Variants in GABRG2 observed in about 807,000 individuals in gnomAD.
GABRG2 encodes the protein gamma-aminobutyric acid type A receptor subunit gamma2, also known as gamma-aminobutyric acid receptor subunit gamma-2.
A neutral mutation model predicts 56.4 loss-of-function variants in GABRG2; 16 were observed. That is an observed-to-expected ratio of 0.28 (90% confidence interval 0.19 to 0.43). The LOEUF (loss-of-function observed/expected upper bound fraction) is 0.43. Ranked by LOEUF, GABRG2 falls within the 20% of genes least tolerant of loss-of-function variation. GABRG2 has a pLI of 1.00. For missense variants in GABRG2, 327 were observed against 582.7 expected (o/e 0.56, Z 4.52); for synonymous variants, 208 against 205.5 (o/e 1.01, Z -0.10).
In GABRG2 at chr5:162,102,600, G is replaced by T. The variant is rs143065876; in HGVS notation, c.631+1283G>T. 130 of 453,434 alleles carry T rather than the reference G, an allele frequency of 2.9e-4. No homozygotes were observed. Among genetic ancestry groups the T allele is most frequent in the African/African-American group, 2.3e-3 (117 of 49,806 alleles). 28.1% of individuals were successfully genotyped at this position (453,434 alleles called of 1,614,324 possible). A position where few individuals can be genotyped will look rare whatever the true frequency, so the allele number is the denominator to read the frequency against. On this transcript the variant is annotated intron_variant, in intron 5 of 9. Transcript: ENST00000639213. Reference sequence around the variant, plus strand: ...CTGGAATGTGCAGTGGTGTGATCTCGGCTCACTACAGCCTTCGCTTCTGGG... The same window carrying T: ...CTGGAATGTGCAGTGGTGTGATCTCTGCTCACTACAGCCTTCGCTTCTGGG...
Position 162,142,293 on chromosome 5 carries a change from C to T in GABRG2, c.899C>T (p.Ala300Val), listed in dbSNP as rs543339576. 6.2e-7 allele frequency: 1 copy of T among 1,614,066 alleles called. No individual in the cohort carries two copies. The highest frequency in any genetic ancestry group is 1.3e-5 in the African/African-American group (1 of 75,046). Residue 300 changes from alanine to valine, a missense_variant, in exon 7 of 10, where the codon GCT becomes GTT. Physicochemically the swap from Ala to Val is moderately conservative, Grantham distance 64. Coordinates refer to ENST00000639213, the MANE Select transcript of GABRG2 (RefSeq NM_198904.4). The stretch of plus-strand genomic sequence containing the variant: ...GTGTCTTTCTGGATCAATAAGGATG[C>T]TGTTCCAGCCAGAACATCTTTAGGT... Reference protein sequence around the residue: ...SWVSFWINKDAVPARTSLGIT... With the variant: ...SWVSFWINKDVVPARTSLGIT...
At chr5:162,139,696 C>T (rs1244538829) in intron 6 of GABRG2, among the ~76,000 whole-genome samples, 6 of 152,142 alleles carry the variant, frequency 3.9e-5, no homozygotes, top group African/African-American at 1.4e-4. Context: ...TCTTCATTCA[C>T]TTACATGATA....
chr5:162,137,413 C>A (rs2113570933), intron 6 of GABRG2, among the ~76,000 whole-genome samples: 1 of 152,236 alleles, frequency 6.6e-6, no homozygotes, highest in Admixed American at 6.5e-5. Flanking sequence ...CAAACATTAC[C>A]AAGGAATTTA....
chr5:162,137,099 A>T (rs1361440171), intron 6 of GABRG2, among the ~76,000 whole-genome samples: 2 of 152,058 alleles, frequency 1.3e-5, no homozygotes, highest in African/African-American at 4.8e-5. Context: ...TTTGCAACTG[A>T]TTAATTTGGA....
At chr5:162,132,069 A>C (rs1561655129) in intron 6 of GABRG2, among the ~76,000 whole-genome samples, 1 of 151,688 alleles carries the variant, frequency 6.6e-6, no homozygotes, top group Non-Finnish European at 1.5e-5. Flanking sequence ...AGTTATTGCA[A>C]CAGGTATTGC....
intron 6 of GABRG2, among the ~76,000 whole-genome samples, chr5:162,130,508 C>T (rs754338168): frequency 1.2e-4 from 18 of 151,690 alleles, no homozygotes; most frequent in African/African-American, 2.9e-4. Context: ...TAATCAGGTC[C>T]GGCTTCAAAT....
chr5:162,091,135 A>G (rs1210772521), intron 1 of GABRG2, among the ~76,000 whole-genome samples: 1 of 151,964 alleles, frequency 6.6e-6, no homozygotes, highest in Non-Finnish European at 1.5e-5. Flanking sequence ...GATGGCCATT[A>G]TTTTTCTTCC....
At chr5:162,103,846 A>T in intron 5 of GABRG2, 43 bp from the exon 6 acceptor site, 2 of 1,611,036 alleles carry the variant, frequency 1.2e-6, no homozygotes, top group Non-Finnish European at 1.7e-6. Flanking sequence ...ACATATGCTA[A>T]TTTATAATCA....
chr5:162,072,993 T>G (rs914679251), intron 1 of GABRG2, among the ~76,000 whole-genome samples: 2 of 151,966 alleles, frequency 1.3e-5, no homozygotes, highest in East Asian at 3.9e-4. Flanking sequence ...AATCCATCAA[T>G]AGTGTTCCTA....
intron 1 of GABRG2, among the ~76,000 whole-genome samples, chr5:162,081,396 A>G: frequency 6.6e-6 from 1 of 152,042 alleles, no homozygotes; most frequent in East Asian, 1.9e-4. Context: ...ATTTTAACAC[A>G]TATATTTGTT....
chr5:162,070,451 TGAG>T (rs531717712), intron 1 of GABRG2, among the ~76,000 whole-genome samples: 42 of 151,948 alleles, frequency 2.8e-4, no homozygotes, highest in Admixed American at 5.2e-4. Flanking sequence ...ATTTGAGACA[TGAG>T]GAGTCCATAG....
chr5:162,074,957 A>C (rs1014850513), intron 1 of GABRG2, among the ~76,000 whole-genome samples: 2 of 152,092 alleles, frequency 1.3e-5, no homozygotes, highest in Non-Finnish European at 2.9e-5. Flanking sequence ...TGATTTCCGT[A>C]GGCAGAAGTG....
rs183746824 is a variant in GABRG2 at position 162,155,515 on chromosome 5, C to T, written c.*2147C>T. On this transcript the variant is annotated 3_prime_UTR_variant, in exon 10 of 10. Transcript: ENST00000639213. The stretch of plus-strand genomic sequence containing the variant: ...GTGGACTTTTACAATAAAAATGCTG[C>T]ATTCTAATCCATGGTGGCATCTCAG... The T allele has an allele frequency of 3.9e-5, 6 of 152,610 alleles. No individual in the cohort carries two copies. Among genetic ancestry groups the T allele is most frequent in the Non-Finnish European group, 7.4e-5 (5 of 68,006 alleles). The allele number at this position is 152,610 out of a possible 1,614,324, so 9.5% of individuals were successfully genotyped here. A position where few individuals can be genotyped will look rare whatever the true frequency, so the allele number is the denominator to read the frequency against.
chr5:162,099,740 G>A (rs1247951346), intron 4 of GABRG2: 1 of 152,112 alleles, frequency 6.6e-6, no homozygotes, highest in Non-Finnish European at 1.5e-5. Context: ...AGTTAGTTAT[G>A]AAAGCCACCT....
chr5:162,116,109 C>CGTGT (rs1561649623), intron 6 of GABRG2, among the ~76,000 whole-genome samples: 32 of 125,570 alleles, frequency 2.5e-4, no homozygotes, highest in African/African-American at 5.1e-4. Context: ...GGTGTGCGTG[C>CGTGT]ATGTGTGTGT....
chr5:162,083,244 A>G (rs1759802108), intron 1 of GABRG2, among the ~76,000 whole-genome samples: 1 of 151,756 alleles, frequency 6.6e-6, no homozygotes, highest in Non-Finnish European at 1.5e-5. Flanking sequence ...TACATTCGAT[A>G]CATTTGAATA....
Position 162,149,118 on chromosome 5 carries a change from T to G in GABRG2, c.933T>G (p.Thr311=). 6.2e-7 allele frequency: 1 copy of G among 1,613,890 alleles called. No homozygotes were observed. The highest frequency in any genetic ancestry group is 1.1e-5 in the South Asian group (1 of 91,082). Residue 311 remains threonine, a synonymous_variant, in exon 8 of 10, where the codon ACT becomes ACG. Transcript: ENST00000639213. ...VPARTSLGIT[T]VLTMTTLSTI... is the part of the protein sequence containing the mutation. Reference sequence around the variant, plus strand: ...TACACCTCTCTTCAGGTATCACCACTGTCCTGACAATGACCACCCTCAGCA... The same window carrying G: ...TACACCTCTCTTCAGGTATCACCACGGTCCTGACAATGACCACCCTCAGCA...
intron 7 of GABRG2, among the ~76,000 whole-genome samples, chr5:162,147,850 C>T (rs554310471): frequency 8.5e-5 from 13 of 152,108 alleles, no homozygotes; most frequent in African/African-American, 2.9e-4. Context: ...GGGATTATTG[C>T]TTTTAGAGTA....
chr5:162,131,107 G>C (rs932409300), intron 6 of GABRG2, among the ~76,000 whole-genome samples: 12 of 152,030 alleles, frequency 7.9e-5, no homozygotes, highest in African/African-American at 2.9e-4. Context: ...CTTCTAAAAG[G>C]GTGTATATTT....
Sources: allele counts gnomAD v4.1 joint callset (sites outside exome capture counted in the v4.1 genomes callset), GRCh38; gene constraint gnomAD v4.1.1; transcripts MANE v1.5; gene names NCBI Gene and HGNC (gene_info 2026-07-23, HGNC 2026-07-21).